The following AKR1C4 variants were observed in gnomAD, a reference collection of about 807,000 sequenced individuals.
AKR1C4 encodes 3-alpha-HSD1.
Under a neutral mutation model 41.0 loss-of-function variants are expected in AKR1C4, and 44 were observed. That is an observed-to-expected ratio of 1.07 (90% confidence interval 0.84 to 1.38). The LOEUF (loss-of-function observed/expected upper bound fraction) is 1.38, where lower values mean the gene tolerates loss of function less well. Ranked by LOEUF, AKR1C4 falls within the 40% of genes most tolerant of loss-of-function variation. The pLI, the probability that AKR1C4 is intolerant of heterozygous loss-of-function variation, is 0.00. For synonymous variants in AKR1C4, 165 were observed against 137.7 expected (o/e 1.20, Z -1.39); for missense variants, 438 against 387.9 (o/e 1.13, Z -1.09).
intron 8 of AKR1C4, among the ~76,000 whole-genome samples, chr10:5,218,160 G>T (rs1192587582): frequency 6.6e-6 from 1 of 152,116 alleles, no homozygotes; most frequent in Non-Finnish European, 1.5e-5. Flanking sequence ...CCTAAAGATT[G>T]CCCTTAGCAT....
chr10:5,209,288 C>T (rs1425516356), intron 5 of AKR1C4, among the ~76,000 whole-genome samples: 1 of 151,902 alleles, frequency 6.6e-6, no homozygotes, highest in African/African-American at 2.4e-5. Flanking sequence ...ATTGAGTATA[C>T]ATCAATGATG....
intron 2 of AKR1C4, among the ~76,000 whole-genome samples, chr10:5,203,884 G>C (rs1832442258): frequency 6.6e-6 from 1 of 152,134 alleles, no homozygotes; most frequent in African/African-American, 2.4e-5. Flanking sequence ...ATCTTATTCT[G>C]AATCTCAATT....
chr10:5,211,302 GCAT>G (rs1304638793), intron 5 of AKR1C4, among the ~76,000 whole-genome samples: 2 of 152,182 alleles, frequency 1.3e-5, no homozygotes, highest in African/African-American at 4.8e-5. Flanking sequence ...AATTTTTACT[GCAT>G]CATCAGACTG....
rs1564404288 is a variant in AKR1C4, at chr10:5,213,075, G to T, written c.762G>T (p.Leu254=). The change falls in exon 7 of 9, where the codon CTG becomes CTT. Residue 254 remains leucine, a synonymous_variant. Transcript: ENST00000263126. The stretch of plus-strand genomic sequence containing the variant: ...AGAAACACAAACAAACCCCAGCCCT[G>T]ATTGCCCTGCGCTACCAGCTGCAGC... ...LAKKHKQTPA[L]IALRYQLQRG... 6.2e-7 allele frequency: 1 copy of T among 1,614,166 alleles called. No homozygotes were observed. The highest frequency in any genetic ancestry group is 8.5e-7 in the Non-Finnish European group (1 of 1,180,016).
At chr10:5,201,461 T>C (rs1832400180) in intron 2 of AKR1C4, among the ~76,000 whole-genome samples, 1 of 152,210 alleles carries the variant, frequency 6.6e-6, no homozygotes, top group Non-Finnish European at 1.5e-5. Flanking sequence ...TATTTGTTTT[T>C]ATCTTGGTGA....
At chr10:5,207,425 C>A in intron 5 of AKR1C4, 1 of 336,012 alleles carries the variant, frequency 3.0e-6, no homozygotes, top group South Asian at 2.7e-5. Flanking sequence ...CTGTAGAAGC[C>A]ATATGCAAGA....
chr10:5,211,097 C>T (rs957597511), intron 5 of AKR1C4, among the ~76,000 whole-genome samples: 25 of 152,174 alleles, frequency 1.6e-4, no homozygotes, highest in South Asian at 4.1e-4. Context: ...AGACCCTGGG[C>T]CCAGCCCATG....
At chr10:5,198,231 T>A (rs1832341285) in intron 1 of AKR1C4, among the ~76,000 whole-genome samples, 1 of 152,210 alleles carries the variant, frequency 6.6e-6, no homozygotes, top group Non-Finnish European at 1.5e-5. Flanking sequence ...GGAATGTATG[T>A]CTTTACTCCT....
At chr10:5,216,875 C>G in intron 8 of AKR1C4, 82 bp downstream of exon 8, 1 of 939,356 alleles carries the variant, frequency 1.1e-6, no homozygotes, top group South Asian at 1.5e-5. Context: ...ACCTCAATAC[C>G]AGGGAGACAG....
Position 5,205,692 on chromosome 10 carries a change from C to T in AKR1C4, c.370-65C>T, listed in dbSNP as rs36048054. On this transcript the variant is annotated intron_variant, in intron 3 of 8. Coordinates refer to ENST00000263126, the MANE Select transcript of AKR1C4 (RefSeq NM_001818.5). ...CGGTGGATTATTATCCTAAAATGTA[C>T]ATGGGAGCATGCCTATGGGTGGAAA... 42 of 1,390,778 alleles carry T rather than the reference C, an allele frequency of 3.0e-5. No homozygotes were observed. The African/African-American group carries it at 5.9e-4, about 19-fold the overall frequency. The allele number at this position is 1,390,778 out of a possible 1,614,324, so 86.2% of individuals were successfully genotyped here.
intron 1 of AKR1C4, among the ~76,000 whole-genome samples, chr10:5,199,125 C>T (rs1554796634): frequency 6.6e-6 from 1 of 152,180 alleles, no homozygotes; most frequent in African/African-American, 2.4e-5. Context: ...TAACCAGTAA[C>T]TGCCTGGGAC....
At chr10:5,201,850 C>G (rs897470125) in intron 2 of AKR1C4, among the ~76,000 whole-genome samples, 2 of 152,080 alleles carry the variant, frequency 1.3e-5, no homozygotes, top group African/African-American at 4.8e-5. Context: ...GTCCCAGCAC[C>G]ATTTATTGAA....
Position 5,200,187 on chromosome 10 carries a change from A to G in AKR1C4, c.91A>G (p.Arg31Gly), listed in dbSNP as rs1166384048. ...CCTTTCGTTGCTCCTTCAGGTTCCG[A>G]GGAACAGAGCTGTAGAGGTCACCAA... is the stretch of plus-strand genomic sequence containing the variant. Reference protein sequence around the residue: ...FGTYAPPEVPRNRAVEVTKLA... With the variant: ...FGTYAPPEVPGNRAVEVTKLA... The change falls in exon 2 of 9, where the codon AGG becomes GGG. Residue 31 changes from arginine (R) to glycine (G), a missense_variant. By Grantham distance (125) the Arg-to-Gly change is moderately radical. Coordinates refer to ENST00000263126, the MANE Select transcript of AKR1C4 (RefSeq NM_001818.5). The G allele has an allele frequency of 6.2e-7, 1 of 1,610,688 alleles. No individual in the cohort carries two copies. Among genetic ancestry groups the G allele is most frequent in the Non-Finnish European group, 8.5e-7 (1 of 1,178,774 alleles).
At chr10:5,204,701 C>T (rs1832457556) in intron 3 of AKR1C4, 1 of 717,068 alleles carries the variant, frequency 1.4e-6, no homozygotes, top group Admixed American at 1.9e-5. Flanking sequence ...AACCTCAAAG[C>T]CTCTGATTCA....
chr10:5,204,415 A>G lies in AKR1C4; in HGVS notation c.291A>G (p.Pro97=). Residue 97 remains proline (P), a synonymous_variant, in exon 3 of 9, where the codon CCA becomes CCG. Transcript: ENST00000263126. ...TCTTTCAACCACAGATGGTCCAACC[A>G]GCCTTGGAAAGCTCACTGAAAAAAC... is the stretch of plus-strand genomic sequence containing the variant. ...CTFFQPQMVQ[P]ALESSLKKLQ... is the part of the protein sequence containing the mutation. 1 of 1,614,034 alleles carries G rather than the reference A, an allele frequency of 6.2e-7. No homozygotes were observed. The highest frequency in any genetic ancestry group is 8.5e-7 in the Non-Finnish European group (1 of 1,179,918).
chr10:5,211,194 A>ACATTTTCCC (rs1832570717), intron 5 of AKR1C4, among the ~76,000 whole-genome samples: 3 of 152,184 alleles, frequency 2.0e-5, no homozygotes, highest in Admixed American at 1.3e-4. Context: ...TGCCTTGGAG[A>ACATTTTCCC]CATTTTCCCC....
chr10:5,206,260 C>T lies in AKR1C4; in HGVS notation c.448-15C>T, dbSNP rs201190050. The stretch of plus-strand genomic sequence containing the variant: ...CAACTGCACAAATAATTCCTCACAA[C>T]CCCTTTCTCCCCAGGTCATGGAGAA... On this transcript the variant is annotated splice_polypyrimidine_tract_variant and intron_variant, in intron 4 of 8. Transcript: ENST00000263126. The T allele has an allele frequency of 4.2e-5, 67 of 1,613,842 alleles. No individual in the cohort carries two copies. Among genetic ancestry groups the T allele is most frequent in the African/African-American group, 5.3e-5 (4 of 74,900 alleles).
At chr10:5,217,638 C>T (rs544303638) in intron 8 of AKR1C4, among the ~76,000 whole-genome samples, 5 of 152,244 alleles carry the variant, frequency 3.3e-5, no homozygotes, top group African/African-American at 1.2e-4. Context: ...CACACACCTG[C>T]AAATCCAGCT....
intron 3 of AKR1C4, among the ~76,000 whole-genome samples, chr10:5,204,838 C>T (rs1355425964): frequency 6.6e-6 from 1 of 152,164 alleles, no homozygotes; most frequent in African/African-American, 2.4e-5. Context: ...AAAACTGCTG[C>T]ACATGTGGTG....
Sources: gnomAD v4.1 joint callset for allele counts (sites outside exome capture counted in the v4.1 genomes callset) on GRCh38, gnomAD v4.1.1 for gene constraint, MANE v1.5 for transcripts, NCBI Gene and HGNC (gene_info 2026-07-23, HGNC 2026-07-21) for gene names.